CCM2: variants seen among roughly 807,000 people sequenced by gnomAD.
CCM2 encodes CCM2 scaffold protein, also known as cerebral cavernous malformations 2 protein.
CCM2 carries 25 observed loss-of-function variants against 44.9 expected under a neutral mutation model. The observed-to-expected ratio is 0.56, with a 90% CI of 0.41 to 0.78. The LOEUF (loss-of-function observed/expected upper bound fraction) is 0.78. CCM2 is among the 30% of genes least tolerant of loss of function. CCM2 has a pLI of 0.00. For missense variants in CCM2, 481 were observed against 580.6 expected (o/e 0.83, Z 1.76); for synonymous variants, 219 against 241.1 (o/e 0.91, Z 0.85).
At chr7:45,008,351 A>G (rs71548255) in intron 1 of CCM2, among the ~76,000 whole-genome samples, 3,156 of 125,950 alleles carry the variant, frequency 0.025, 83 homozygotes, top group South Asian at 0.14. Flanking sequence ...CCAAGGGTAC[A>G]TGTTCTTTTT....
rs536817773 is a variant in CCM2 at position 45,047,828 on chromosome 7, G to A, written c.204+9402G>A. On this transcript the variant is annotated intron_variant, in intron 2 of 9. Coordinates refer to ENST00000258781, the MANE Select transcript of CCM2 (RefSeq NM_031443.4). ...GTAGTTCTGCAAGATGTCACTGCTG[G>A]GGGCAATAGGGTAAAGGGAGCGATG... 2.0e-5 allele frequency among the ~76,000 whole-genome samples: 3 copies of A among 152,210 alleles called. No homozygotes were observed. The East Asian group carries it at 5.8e-4, about 29-fold the overall frequency.
chr7:45,003,023 A>G (rs1361366483), intron 1 of CCM2, among the ~76,000 whole-genome samples: 1 of 152,136 alleles, frequency 6.6e-6, no homozygotes, highest in Non-Finnish European at 1.5e-5. Context: ...GGGTTTGGAG[A>G]ATAAGGCTCC....
At chr7:45,009,702 C>G (rs531257662) in intron 1 of CCM2, among the ~76,000 whole-genome samples, 1 of 152,254 alleles carries the variant, frequency 6.6e-6, no homozygotes, top group Admixed American at 6.5e-5. Context: ...CCCTGCCTGG[C>G]CTGGCTATAC....
chr7:45,059,409 C>G (rs80208469), intron 2 of CCM2, among the ~76,000 whole-genome samples: 1,528 of 148,268 alleles, frequency 0.01, 26 homozygotes, highest in African/African-American at 0.036. Context: ...GTGGCGAAAC[C>G]CTGTCTGTTA....
At chr7:45,049,032 T>G (rs1297783580) in intron 2 of CCM2, among the ~76,000 whole-genome samples, 1 of 152,198 alleles carries the variant, frequency 6.6e-6, no homozygotes. Flanking sequence ...CATGACTCAC[T>G]GCAGCTTCAA....
chr7:45,071,470 G>T (rs1053359759), intron 6 of CCM2: 10 of 263,506 alleles, frequency 3.8e-5, no homozygotes, highest in African/African-American at 2.3e-4. Context: ...CACACGTTAC[G>T]CACATGCATG....
chr7:45,006,477 A>G (rs1216620484), intron 1 of CCM2, among the ~76,000 whole-genome samples: 1 of 151,846 alleles, frequency 6.6e-6, no homozygotes, highest in Non-Finnish European at 1.5e-5. Flanking sequence ...CTGAGTAGCT[A>G]GGACTACAGG....
chr7:45,068,265 C>G, intron 4 of CCM2, 178 bp from the exon 5 acceptor site: 1 of 750,804 alleles, frequency 1.3e-6, no homozygotes. Context: ...GTGTTCCCAC[C>G]CTTATTTAGA....
At chr7:45,027,924 C>G (rs1796765600) in intron 1 of CCM2, 2 of 977,412 alleles carry the variant, frequency 2.0e-6, no homozygotes, top group Admixed American at 2.0e-5. Context: ...GTCTCCATGA[C>G]CCCTGCTTTG....
chr7:45,018,192 T>C (rs2128717437), intron 1 of CCM2, among the ~76,000 whole-genome samples: 1 of 152,240 alleles, frequency 6.6e-6, no homozygotes, highest in South Asian at 2.1e-4. Flanking sequence ...GAGGCGGGGC[T>C]CAGGTGGTAA....
At position 45,072,726 on chromosome 7, in the gene CCM2, A is replaced by G. The variant is rs778275475; in HGVS notation, c.746A>G (p.Asp249Gly). 6 of 1,612,292 alleles carry G rather than the reference A, an allele frequency of 3.7e-6. No homozygotes were observed. Among genetic ancestry groups the G allele is most frequent in the Middle Eastern group, 1.8e-4 (1 of 5,642 alleles). The change falls in exon 7 of 10, where the codon GAT becomes GGT. Residue 249 changes from aspartate (D) to glycine (G), a missense_variant and splice_region_variant. Coordinates refer to ENST00000258781, the MANE Select transcript of CCM2 (RefSeq NM_031443.4). ...TPTHHLSLHS[D>G]DSSTKVDIKE... is the part of the protein sequence containing the mutation. The stretch of plus-strand genomic sequence containing the variant: ...TTAGTTTTCTGCATCTTCCTTACAG[A>G]TGACTCTTCTACAAAAGTGGACATT...
At chr7:45,071,475 T>C (rs1223248938) in intron 6 of CCM2, 4 of 276,294 alleles carry the variant, frequency 1.4e-5, no homozygotes, top group Non-Finnish European at 2.9e-5. Flanking sequence ...GTTACGCACA[T>C]GCATGCATTC....
intron 1 of CCM2, among the ~76,000 whole-genome samples, chr7:45,007,347 G>T (rs1407376050): frequency 6.6e-6 from 1 of 152,208 alleles, no homozygotes; most frequent in Non-Finnish European, 1.5e-5. Flanking sequence ...CTTGTGAACA[G>T]TGGATCTTTG....
At chr7:45,074,109 A>C in intron 8 of CCM2, 161 bp from the exon 9 acceptor site, 2 of 1,469,004 alleles carry the variant, frequency 1.4e-6, no homozygotes, top group Non-Finnish European at 1.8e-6. Flanking sequence ...GTCTGGTAGG[A>C]TGGGGACACA....
At chr7:45,070,147 G>T (rs189351279) in intron 6 of CCM2, 186 bp downstream of exon 6, 7 of 691,974 alleles carry the variant, frequency 1.0e-5, no homozygotes, top group African/African-American at 1.8e-5. Context: ...AGTGTCACCT[G>T]TCCTTGAGAG....
At chr7:45,071,696 G>T in intron 6 of CCM2, 1 of 449,112 alleles carries the variant, frequency 2.2e-6, no homozygotes, top group South Asian at 1.6e-5. Context: ...TGTCTTTCCA[G>T]CTCCTAAAGG....
intron 2 of CCM2, among the ~76,000 whole-genome samples, chr7:45,051,982 G>A (rs1798034947): frequency 6.6e-6 from 1 of 152,224 alleles, no homozygotes; most frequent in South Asian, 2.1e-4. Context: ...TGGGGTTACA[G>A]GCGTGAGGGT....
rs569312536 is a variant in CCM2 at position 45,063,675 on chromosome 7, T to C, written c.205-243T>C. Among the ~76,000 whole-genome samples the C allele has an allele frequency of 5.9e-5, 9 of 152,268 alleles. No individual in the cohort carries two copies. The South Asian group carries it at 1.9e-3, about 32-fold the overall frequency. ...AGTTTGGGATACTCATTGCAGGACT[T>C]TTGATGATGACCTTCACTGTAGAAT... On this transcript the variant is annotated intron_variant, in intron 2 of 9. Coordinates refer to ENST00000258781, the MANE Select transcript of CCM2 (RefSeq NM_031443.4).
chr7:45,048,269 A>G (rs1797851092), intron 2 of CCM2, among the ~76,000 whole-genome samples: 1 of 152,214 alleles, frequency 6.6e-6, no homozygotes, highest in East Asian at 1.9e-4. Context: ...AACTGTATAC[A>G]TTTCATAAAA....
Sources: gnomAD v4.1 joint callset for allele counts (sites outside exome capture counted in the v4.1 genomes callset) on GRCh38, gnomAD v4.1.1 for gene constraint, MANE v1.5 for transcripts, NCBI Gene and HGNC (gene_info 2026-07-23, HGNC 2026-07-21) for gene names.